The following LRMDA variants were observed in gnomAD, a reference collection of about 807,000 sequenced individuals.
The protein encoded by LRMDA is leucine rich melanocyte differentiation associated.
LRMDA carries 18 observed loss-of-function variants against 29.8 expected under a neutral mutation model. The ratio of observed to expected loss-of-function variants is 0.60; its 90% CI spans 0.42 to 0.90. The LOEUF is 0.90. Ranked by LOEUF, LRMDA falls within the 40% of genes least tolerant of loss-of-function variation. The pLI is 0.00. For missense variants in LRMDA, 273 were observed against 273.9 expected (o/e 1.00, Z 0.02); for synonymous variants, 125 against 109.4 (o/e 1.14, Z -0.89).
At chr10:76,228,207 A>G (rs1007355358) in intron 5 of LRMDA, among the ~76,000 whole-genome samples, 3 of 151,924 alleles carry the variant, frequency 2.0e-5, no homozygotes, top group African/African-American at 7.3e-5. Flanking sequence ...TTTTTAGTAG[A>G]GACGGGGTTT....
intron 5 of LRMDA, among the ~76,000 whole-genome samples, chr10:76,231,996 C>T (rs1852067087): frequency 6.6e-6 from 1 of 152,146 alleles, no homozygotes; most frequent in Non-Finnish European, 1.5e-5. Flanking sequence ...AAATCACATT[C>T]TTGGCTATTT....
At position 76,169,327 on chromosome 10, in the gene LRMDA, G is replaced by A. The variant is rs533700201; in HGVS notation, c.516+110544G>A. ...TCCATTCTGAGTTTCATCCTATAAG[G>A]AAAACATTTTTAAATACTCTTTTAG... On this transcript the variant is annotated intron_variant, in intron 5 of 6. Transcript: ENST00000611255. 3.0e-3 allele frequency among the ~76,000 whole-genome samples: 458 copies of A among 152,212 alleles called. 7 individuals are homozygous for A. The highest frequency in any genetic ancestry group is 0.016 in the South Asian group (76 of 4,814).
chr10:75,492,992 A>G (rs979320023), intron 2 of LRMDA, among the ~76,000 whole-genome samples: 2 of 152,214 alleles, frequency 1.3e-5, no homozygotes, highest in African/African-American at 4.8e-5. Flanking sequence ...CGCTGCTGTA[A>G]AAGGGACAGT....
chr10:76,171,180 C>G (rs907474413), intron 5 of LRMDA, among the ~76,000 whole-genome samples: 32 of 152,198 alleles, frequency 2.1e-4, no homozygotes, highest in Non-Finnish European at 1.8e-4. Flanking sequence ...GGCTCTTATG[C>G]TATGCCTACC....
chr10:76,343,386 A>C (rs1841064911), intron 6 of LRMDA, among the ~76,000 whole-genome samples: 1 of 152,234 alleles, frequency 6.6e-6, no homozygotes, highest in Non-Finnish European at 1.5e-5. Context: ...AAAGAATTAC[A>C]AACAGAATCT....
At chr10:76,386,828 C>T (rs1387927271) in intron 6 of LRMDA, among the ~76,000 whole-genome samples, 2 of 151,590 alleles carry the variant, frequency 1.3e-5, no homozygotes, top group African/African-American at 4.8e-5. Context: ...TATTTTATTC[C>T]TTTATTATAG....
intron 6 of LRMDA, among the ~76,000 whole-genome samples, chr10:76,516,179 C>T (rs771137488): frequency 1.3e-5 from 2 of 152,084 alleles, no homozygotes; most frequent in Admixed American, 1.3e-4. Flanking sequence ...TTAGCAAACA[C>T]TTAAGGAAAT....
intron 5 of LRMDA, among the ~76,000 whole-genome samples, chr10:76,154,284 T>C (rs1216255037): frequency 6.6e-6 from 1 of 152,194 alleles, no homozygotes; most frequent in Non-Finnish European, 1.5e-5. Context: ...TGTTTGACAG[T>C]CCTGGCCCCA....
rs536343981 is a variant in LRMDA, at chr10:75,891,707, G to A, written c.132-144301G>A. On this transcript the variant is annotated intron_variant, in intron 2 of 6. Coordinates refer to ENST00000611255, the MANE Select transcript of LRMDA (RefSeq NM_001305581.2). The stretch of plus-strand genomic sequence containing the variant: ...TGGATCAGAGTGTGATTGCCATGGG[G>A]GTAGTGGGACATGGTCACATTCTGG... Among the ~76,000 whole-genome samples the A allele has an allele frequency of 1.9e-3, 296 of 152,268 alleles. 2 individuals carry two copies. Among genetic ancestry groups the A allele is most frequent in the African/African-American group, 6.8e-3 (282 of 41,540 alleles).
At chr10:76,122,452 G>A (rs1431448186) in intron 5 of LRMDA, among the ~76,000 whole-genome samples, 2 of 152,018 alleles carry the variant, frequency 1.3e-5, no homozygotes, top group African/African-American at 2.4e-5. Flanking sequence ...CATGATGGTC[G>A]TGTGACATTA....
At chr10:76,044,781 T>A (rs1848402771) in intron 3 of LRMDA, among the ~76,000 whole-genome samples, 2 of 152,204 alleles carry the variant, frequency 1.3e-5, no homozygotes, top group African/African-American at 2.4e-5. Flanking sequence ...TTTGAGAGAT[T>A]GAAAACAAAC....
At chr10:76,165,727 C>T (rs986831399) in intron 5 of LRMDA, among the ~76,000 whole-genome samples, 3 of 152,144 alleles carry the variant, frequency 2.0e-5, no homozygotes, top group African/African-American at 7.2e-5. Context: ...CCTTATAAAA[C>T]CACCAGATAT....
At chr10:76,315,744 T>G (rs1455339909) in intron 5 of LRMDA, among the ~76,000 whole-genome samples, 1 of 152,144 alleles carries the variant, frequency 6.6e-6, no homozygotes, top group Non-Finnish European at 1.5e-5. Context: ...AAACCCCACC[T>G]TCAAGCCAGG....
At chr10:76,085,803 A>G (rs1393771497) in intron 5 of LRMDA, among the ~76,000 whole-genome samples, 1 of 152,142 alleles carries the variant, frequency 6.6e-6, no homozygotes, top group Non-Finnish European at 1.5e-5. Context: ...CATCTTTTCT[A>G]GTGATCCTGG....
At chr10:76,319,968 C>T (rs1840750209) in intron 5 of LRMDA, among the ~76,000 whole-genome samples, 1 of 152,204 alleles carries the variant, frequency 6.6e-6, no homozygotes, top group Admixed American at 6.5e-5. Context: ...CAAATCTCTC[C>T]TCCTGTGGTC....
At chr10:76,218,106 G>C (rs550689331) in intron 5 of LRMDA, among the ~76,000 whole-genome samples, 2 of 152,352 alleles carry the variant, frequency 1.3e-5, no homozygotes, top group African/African-American at 4.8e-5. Flanking sequence ...AGAGTGGAAG[G>C]CCTGGCGGGA....
chr10:76,038,950 C>G (rs1848297317), intron 3 of LRMDA, among the ~76,000 whole-genome samples: 1 of 152,206 alleles, frequency 6.6e-6, no homozygotes. Context: ...GGAGGCTCAA[C>G]TGGGGCTGGA....
At chr10:76,428,166 A>G (rs757885290) in intron 6 of LRMDA, among the ~76,000 whole-genome samples, 9 of 152,170 alleles carry the variant, frequency 5.9e-5, no homozygotes, top group Non-Finnish European at 1.3e-4. Flanking sequence ...CTACAAGACT[A>G]AATCAGTTTC....
At chr10:76,292,983 A>T (rs1360000374) in intron 5 of LRMDA, among the ~76,000 whole-genome samples, 1 of 152,092 alleles carries the variant, frequency 6.6e-6, no homozygotes, top group Non-Finnish European at 1.5e-5. Flanking sequence ...TTATTTATTT[A>T]TTTATGATGG....
Sources: allele counts gnomAD v4.1 joint callset (sites outside exome capture counted in the v4.1 genomes callset), GRCh38; gene constraint gnomAD v4.1.1; transcripts MANE v1.5; gene names NCBI Gene and HGNC (gene_info 2026-07-23, HGNC 2026-07-21).